The following CTNNA2 variants were observed in gnomAD, a reference collection of about 807,000 sequenced individuals.
The protein encoded by CTNNA2 is catenin alpha-2.
CTNNA2 carries 42 observed loss-of-function variants against 101.0 expected under a neutral mutation model. The observed-to-expected ratio is 0.42, with a 90% CI of 0.32 to 0.54. The LOEUF (loss-of-function observed/expected upper bound fraction) is 0.54, where lower values mean the gene tolerates loss of function less well. Among genes scored for constraint, CTNNA2 ranks in the 20% least tolerant of loss-of-function variants. The pLI is 0.14. For synonymous variants in CTNNA2, 450 were observed against 456.4 expected (o/e 0.99, Z 0.18); for missense variants, 871 against 1,223.1 (o/e 0.71, Z 4.29).
intron 7 of CTNNA2, among the ~76,000 whole-genome samples, chr2:80,030,871 A>C (rs1421864768): frequency 2.0e-5 from 3 of 152,306 alleles, no homozygotes; most frequent in East Asian, 3.9e-4. Flanking sequence ...ATAAATGGTC[A>C]ATAGACATAA....
intron 2 of CTNNA2, among the ~76,000 whole-genome samples, chr2:79,711,056 T>C (rs2104808415): frequency 6.6e-6 from 1 of 152,312 alleles, no homozygotes; most frequent in South Asian, 2.1e-4. Context: ...AAAGGCTAGA[T>C]ATTGTTTCTA....
chr2:80,234,926 G>C (rs1709463968), intron 7 of CTNNA2, among the ~76,000 whole-genome samples: 1 of 151,980 alleles, frequency 6.6e-6, no homozygotes, highest in Admixed American at 6.6e-5. Flanking sequence ...CAAATAAATG[G>C]GTGTGGCTGT....
chr2:79,589,111 G>T (rs79467102), intron 1 of CTNNA2, among the ~76,000 whole-genome samples: 1 of 152,308 alleles, frequency 6.6e-6, no homozygotes, highest in South Asian at 2.1e-4. Flanking sequence ...TAGCTGGGAG[G>T]AATGACATTC....
rs554596135 is a variant in CTNNA2, at chr2:80,492,147, A to T, written c.1291-52835A>T. Among the ~76,000 whole-genome samples the T allele has an allele frequency of 2.6e-5, 4 of 152,158 alleles. No individual in the cohort carries two copies. In the South Asian group the frequency reaches 6.2e-4, roughly 24 times the overall value. On this transcript the variant is annotated intron_variant, in intron 9 of 18. Transcript: ENST00000402739. ...TGATTGGATCATGGGGGTGGATTTC[A>T]CCCTTGCTGTTCTTGTGATATTGAG...
At chr2:79,295,378 A>T (rs1675954173) in intron 2 of CTNNA2, among the ~76,000 whole-genome samples, 1 of 152,176 alleles carries the variant, frequency 6.6e-6, no homozygotes, top group Non-Finnish European at 1.5e-5. Context: ...ATAAAATTCA[A>T]ATTAAATGCA....
intron 7 of CTNNA2, among the ~76,000 whole-genome samples, chr2:80,236,629 G>C (rs1709565173): frequency 6.6e-6 from 1 of 152,192 alleles, no homozygotes; most frequent in South Asian, 2.1e-4. Context: ...TGGATTCAGT[G>C]AACAACTAGT....
intron 2 of CTNNA2, among the ~76,000 whole-genome samples, chr2:79,669,477 C>G (rs1009447819): frequency 6.6e-6 from 1 of 152,114 alleles, no homozygotes; most frequent in African/African-American, 2.4e-5. Context: ...GAATGAGGTG[C>G]GCAGACAATT....
At chr2:79,673,510 T>C (rs1682982920) in intron 2 of CTNNA2, among the ~76,000 whole-genome samples, 1 of 152,148 alleles carries the variant, frequency 6.6e-6, no homozygotes, top group Admixed American at 6.5e-5. Flanking sequence ...TTTCGTTCCT[T>C]AAAAAATTGA....
intron 4 of CTNNA2, among the ~76,000 whole-genome samples, chr2:79,385,929 A>G (rs542417053): frequency 2.0e-5 from 3 of 152,286 alleles, no homozygotes; most frequent in African/African-American, 7.2e-5. Flanking sequence ...TATCCAGTCT[A>G]TCATTGATGG....
intron 7 of CTNNA2, among the ~76,000 whole-genome samples, chr2:80,153,750 C>G (rs1435871373): frequency 6.6e-6 from 1 of 152,202 alleles, no homozygotes; most frequent in Non-Finnish European, 1.5e-5. Context: ...CAAAAACCAG[C>G]AGCTGCCTCC....
At chr2:80,504,951 C>T (rs1025060527) in intron 9 of CTNNA2, among the ~76,000 whole-genome samples, 4 of 152,244 alleles carry the variant, frequency 2.6e-5, no homozygotes, top group South Asian at 2.1e-4. Flanking sequence ...TTTATTGGGA[C>T]GATGAACTGC....
At chr2:79,209,680 T>C (rs1293622706) in intron 2 of CTNNA2, among the ~76,000 whole-genome samples, 1 of 114,556 alleles carries the variant, frequency 8.7e-6, no homozygotes, top group Non-Finnish European at 1.8e-5. Context: ...AGAAAATACA[T>C]GCACATGGAA....
chr2:79,831,316 G>C (rs1470788610), intron 3 of CTNNA2, among the ~76,000 whole-genome samples: 1 of 152,012 alleles, frequency 6.6e-6, no homozygotes, highest in Non-Finnish European at 1.5e-5. Context: ...GGTTTGTATG[G>C]TAGAGTTATT....
chr2:79,620,676 G>C (rs1289762958), intron 1 of CTNNA2, among the ~76,000 whole-genome samples: 2 of 152,296 alleles, frequency 1.3e-5, no homozygotes, highest in East Asian at 3.9e-4. Context: ...GGGAGGTTCT[G>C]TTGACCCTCA....
chr2:79,675,594 T>G (rs1382153102), intron 2 of CTNNA2, among the ~76,000 whole-genome samples: 1 of 152,196 alleles, frequency 6.6e-6, no homozygotes, highest in African/African-American at 2.4e-5. Context: ...CTAATTATTT[T>G]TAAGCATTTG....
At chr2:79,452,144 G>T (rs1670762671) in intron 4 of CTNNA2, among the ~76,000 whole-genome samples, 1 of 152,114 alleles carries the variant, frequency 6.6e-6, no homozygotes, top group Non-Finnish European at 1.5e-5. Flanking sequence ...AAGCCATAAA[G>T]ATATTAATAA....
At chr2:79,688,413 TA>T (rs1480675486) in intron 2 of CTNNA2, among the ~76,000 whole-genome samples, 3 of 151,898 alleles carry the variant, frequency 2.0e-5, no homozygotes, top group African/African-American at 7.2e-5. Context: ...AAAGAGATAT[TA>T]AAAACAACAT....
intron 2 of CTNNA2, among the ~76,000 whole-genome samples, chr2:79,229,002 T>C (rs1161642202): frequency 2.6e-5 from 4 of 152,194 alleles, no homozygotes; most frequent in African/African-American, 7.2e-5. Flanking sequence ...GCACCATTTA[T>C]GGAATAAAGA....
chr2:79,688,935 C>T (rs1014203275), intron 2 of CTNNA2, among the ~76,000 whole-genome samples: 5 of 151,878 alleles, frequency 3.3e-5, no homozygotes, highest in African/African-American at 9.7e-5. Context: ...GTCTCTGTGC[C>T]GTGGTGTTTG....
Sources: allele counts gnomAD v4.1 joint callset (sites outside exome capture counted in the v4.1 genomes callset), GRCh38; gene constraint gnomAD v4.1.1; transcripts MANE v1.5; gene names NCBI Gene and HGNC (gene_info 2026-07-23, HGNC 2026-07-21).